The following SCML4 variants were observed in gnomAD, a reference collection of about 807,000 sequenced individuals.
The protein encoded by SCML4 is sex comb on midleg-like protein 4.
In SCML4, 34 loss-of-function variants were observed where a neutral mutation model predicts 41.1. That is an observed-to-expected ratio of 0.83 (90% CI 0.63 to 1.10). SCML4 has a LOEUF of 1.10. Among genes scored for constraint, SCML4 ranks in the 50% least tolerant of loss-of-function variants. SCML4 has a pLI of 0.00. For synonymous variants in SCML4, 214 were observed against 220.9 expected (o/e 0.97, Z 0.28); for missense variants, 522 against 534.1 (o/e 0.98, Z 0.22).
intron 2 of SCML4, among the ~76,000 whole-genome samples, chr6:107,754,053 TG>T (rs1169431282): frequency 6.6e-6 from 1 of 152,016 alleles, no homozygotes; most frequent in Non-Finnish European, 1.5e-5. Flanking sequence ...GCCTGGGGAA[TG>T]GAGCACGGCT....
chr6:107,746,380 C>T (rs1027627861), intron 4 of SCML4: 16 of 322,734 alleles, frequency 5.0e-5, no homozygotes, highest in Middle Eastern at 8.1e-4. Flanking sequence ...TGAAGTGGAG[C>T]GAAAGGATTC....
At chr6:107,787,746 C>T (rs1221074919) in intron 1 of SCML4, among the ~76,000 whole-genome samples, 1 of 152,192 alleles carries the variant, frequency 6.6e-6, no homozygotes, top group Non-Finnish European at 1.5e-5. Flanking sequence ...CGGCACCTTG[C>T]CAAGTAGGAA....
chr6:107,837,035 A>G, the SCML4 span, among the ~76,000 whole-genome samples: 2 of 152,154 alleles, frequency 1.3e-5, no homozygotes, highest in African/African-American at 4.8e-5. Flanking sequence ...CCCTGCATAC[A>G]TTAGGAATTG....
intron 1 of SCML4, among the ~76,000 whole-genome samples, chr6:107,797,063 T>C (rs1413517098): frequency 6.6e-6 from 1 of 152,162 alleles, no homozygotes; most frequent in Non-Finnish European, 1.5e-5. Flanking sequence ...ACTCTCTTGG[T>C]TACTATAACT....
chr6:107,744,896 CA>C (rs1777920841), intron 5 of SCML4, 52 bp downstream of exon 5: 1 of 1,437,408 alleles, frequency 7.0e-7, no homozygotes, highest in Non-Finnish European at 9.5e-7. Context: ...AGGGCAGAGA[CA>C]CCTGGGACAG....
chr6:107,761,044 C>T (rs934059137), intron 2 of SCML4, among the ~76,000 whole-genome samples: 1 of 151,832 alleles, frequency 6.6e-6, no homozygotes, highest in Non-Finnish European at 1.5e-5. Flanking sequence ...GAAGAAATTA[C>T]CCAGAAAGCA....
At chr6:107,744,924 G>A (rs1777924466) in intron 5 of SCML4, 25 bp downstream of exon 5, 1 of 1,545,304 alleles carries the variant, frequency 6.5e-7, no homozygotes, top group Non-Finnish European at 8.8e-7. Context: ...GTCCCTGCAG[G>A]TGGGGGAAGC....
At chr6:107,708,979 C>T (rs1412021524) in intron 6 of SCML4, among the ~76,000 whole-genome samples, 3 of 152,204 alleles carry the variant, frequency 2.0e-5, no homozygotes, top group African/African-American at 7.2e-5. Context: ...GTGTTTCCCA[C>T]ATTTAATTAT....
At chr6:107,826,042 G>A (rs570818647), upstream of SCML4, among the ~76,000 whole-genome samples, 33 of 151,122 alleles carry the variant, frequency 2.2e-4, no homozygotes, top group East Asian at 2.7e-3. Flanking sequence ...TTAGGAGTTC[G>A]AGACCAGACT....
chr6:107,817,551 G>A (rs575862420), intron 1 of SCML4, among the ~76,000 whole-genome samples: 20 of 141,708 alleles, frequency 1.4e-4, no homozygotes, highest in African/African-American at 4.8e-4. Flanking sequence ...AACCTGGGAG[G>A]CAGAGGCTGC....
chr6:107,838,271 C>T, the SCML4 span, among the ~76,000 whole-genome samples: 17 of 152,130 alleles, frequency 1.1e-4, 1 homozygote, highest in African/African-American at 4.1e-4. Flanking sequence ...GGTAACAGGG[C>T]AGGGCTCACC....
rs147850234 is a variant in SCML4 at position 107,805,819 on chromosome 6, G to A, written c.-60+18307C>T. Among the ~76,000 whole-genome samples, 5 of 152,282 alleles carry A rather than the reference G, an allele frequency of 3.3e-5. No individual in the cohort carries two copies. In the East Asian group the frequency reaches 9.6e-4, roughly 29 times the overall value. On this transcript the variant is annotated intron_variant, in intron 1 of 7. Transcript: ENST00000369020. ...ATGAGGCCTGATGAGAAACCAGCCT[G>A]GTTCTGAAATACAATATTCCTAATT...
chr6:107,748,960 A>G (rs1390792020), intron 3 of SCML4, among the ~76,000 whole-genome samples: 1 of 152,188 alleles, frequency 6.6e-6, no homozygotes, highest in Admixed American at 6.5e-5. Context: ...CTGGGGACTG[A>G]GAGAAGAGCA....
At chr6:107,744,372 C>G (rs1481010559) in intron 5 of SCML4, among the ~76,000 whole-genome samples, 1 of 152,184 alleles carries the variant, frequency 6.6e-6, no homozygotes, top group Non-Finnish European at 1.5e-5. Context: ...TGCTCAACCC[C>G]TAGGCCACTT....
chr6:107,843,834 C>T, the SCML4 span, among the ~76,000 whole-genome samples: 1 of 151,976 alleles, frequency 6.6e-6, no homozygotes, highest in Non-Finnish European at 1.5e-5. Context: ...ATTAGGGAGA[C>T]CCTAATAAAG....
chr6:107,830,120 G>A, the SCML4 span, among the ~76,000 whole-genome samples: 64,887 of 151,734 alleles, frequency 0.43, 16,500 homozygotes, highest in East Asian at 0.73. Context: ...GGCCTCTGAA[G>A]TCAGCAGGGT....
At chr6:107,733,497 T>C (rs1776754707) in intron 5 of SCML4, among the ~76,000 whole-genome samples, 1 of 152,200 alleles carries the variant, frequency 6.6e-6, no homozygotes, top group African/African-American at 2.4e-5. Context: ...AGAAGCCTAC[T>C]GGTTTCCTAA....
At chr6:107,768,854 G>T (rs1461301895) in intron 2 of SCML4, among the ~76,000 whole-genome samples, 1 of 152,164 alleles carries the variant, frequency 6.6e-6, no homozygotes, top group Non-Finnish European at 1.5e-5. Flanking sequence ...TCCCAACCAG[G>T]AAGACACAGA....
intron 5 of SCML4, among the ~76,000 whole-genome samples, chr6:107,727,966 T>G (rs1405109189): frequency 5.3e-5 from 8 of 152,228 alleles, no homozygotes; most frequent in Admixed American, 5.2e-4. Flanking sequence ...ATAGAGGAAG[T>G]GCTTGATAAA....
Sources: allele counts gnomAD v4.1 joint callset (sites outside exome capture counted in the v4.1 genomes callset), GRCh38; gene constraint gnomAD v4.1.1; transcripts MANE v1.5; gene names NCBI Gene and HGNC (gene_info 2026-07-23, HGNC 2026-07-21).